PPIC: variants seen among roughly 807,000 people sequenced by gnomAD.
PPIC encodes the protein peptidylprolyl isomerase C, also known as peptidyl-prolyl cis-trans isomerase C.
A neutral mutation model predicts 19.5 loss-of-function variants in PPIC; 19 were observed. The ratio of observed to expected loss-of-function variants is 0.98; its 90% CI spans 0.68 to 1.43. The LOEUF is 1.43. PPIC is among the 40% of genes most tolerant of loss of function. The pLI is 0.00. For synonymous variants in PPIC, 107 were observed against 101.2 expected (o/e 1.06, Z -0.34); for missense variants, 268 against 268.6 (o/e 1.00, Z 0.02).
At position 123,036,684 on chromosome 5, in the gene PPIC, G is replaced by T; in HGVS notation, c.-59C>A. The T allele has an allele frequency of 7.0e-7, 1 of 1,427,082 alleles. No individual in the cohort carries two copies. The highest frequency in any genetic ancestry group is 2.5e-5 in the East Asian group (1 of 39,720). 88.4% of individuals were successfully genotyped at this position (1,427,082 alleles called of 1,614,324 possible). A position where few individuals can be genotyped will look rare whatever the true frequency, so the allele number is the denominator to read the frequency against. On this transcript the variant is annotated 5_prime_UTR_variant, in exon 1 of 5. Transcript: ENST00000306442. This position sits in a 1 kb window ranked among gnomAD's most constrained non-coding sequence, Gnocchi z 4.5. Reference sequence around the variant, plus strand: ...CGCTACCGGCACGGGCGCGACACAGGCTCTGGGACAGCTGACGGGACTGCC... The same window carrying T: ...CGCTACCGGCACGGGCGCGACACAGTCTCTGGGACAGCTGACGGGACTGCC...
chr5:123,026,227 G>C (rs1350134668), intron 3 of PPIC, among the ~76,000 whole-genome samples: 3 of 152,166 alleles, frequency 2.0e-5, no homozygotes, highest in African/African-American at 7.2e-5. Flanking sequence ...CTCATACCAA[G>C]GGCCAAACCT....
intron 3 of PPIC, among the ~76,000 whole-genome samples, 187 bp from the exon 4 acceptor site, chr5:123,026,155 A>G (rs1762849863): frequency 6.6e-6 from 1 of 152,226 alleles, no homozygotes; most frequent in Admixed American, 6.5e-5. Context: ...ACAGGGCACT[A>G]GGGCCTAAAA....
chr5:123,036,691 G>C lies in PPIC; in HGVS notation c.-66C>G. Reference sequence around the variant, plus strand: ...GGCACGGGCGCGACACAGGCTCTGGGACAGCTGACGGGACTGCCGGCCGGC... The same window carrying C: ...GGCACGGGCGCGACACAGGCTCTGGCACAGCTGACGGGACTGCCGGCCGGC... On this transcript the variant is annotated 5_prime_UTR_variant, in exon 1 of 5. Transcript: ENST00000306442. This position sits in a 1 kb window ranked among gnomAD's most constrained non-coding sequence, Gnocchi z 4.5. 7.2e-7 allele frequency: 1 copy of C among 1,387,222 alleles called. No individual in the cohort carries two copies. The highest frequency in any genetic ancestry group is 9.9e-7 in the Non-Finnish European group (1 of 1,012,106). The allele number at this position is 1,387,222 out of a possible 1,614,324, so 85.9% of individuals were successfully genotyped here. A position where few individuals can be genotyped will look rare whatever the true frequency, so the allele number is the denominator to read the frequency against.
chr5:123,033,665 A>G (rs898473340), intron 1 of PPIC, among the ~76,000 whole-genome samples: 1 of 152,216 alleles, frequency 6.6e-6, no homozygotes, highest in African/African-American at 2.4e-5. Context: ...CTGCTTTACC[A>G]CATCTAATGT....
At chr5:123,033,839 G>A (rs1762971051) in intron 1 of PPIC, among the ~76,000 whole-genome samples, 1 of 152,224 alleles carries the variant, frequency 6.6e-6, no homozygotes, top group South Asian at 2.1e-4. Flanking sequence ...TGGAAGGATG[G>A]TGGCATTATT....
At chr5:123,029,927 C>T (rs889693866) in intron 1 of PPIC, among the ~76,000 whole-genome samples, 4 of 152,178 alleles carry the variant, frequency 2.6e-5, no homozygotes, top group African/African-American at 9.7e-5. Context: ...GCAATGAGTT[C>T]TCAATAGATG....
intron 4 of PPIC, among the ~76,000 whole-genome samples, chr5:123,024,923 C>A (rs1561747543): frequency 6.6e-6 from 1 of 152,116 alleles, no homozygotes; most frequent in Non-Finnish European, 1.5e-5. Flanking sequence ...ACCTGTAAGG[C>A]AGAAATATTG....
intron 4 of PPIC, 27 bp downstream of exon 4, chr5:123,025,757 T>C (rs373810623): frequency 6.2e-7 from 1 of 1,601,922 alleles, no homozygotes; most frequent in Non-Finnish European, 8.5e-7. Flanking sequence ...TATAAAGCTT[T>C]GAAAGGAAAA....
At chr5:123,031,998 T>C (rs545335484) in intron 1 of PPIC, among the ~76,000 whole-genome samples, 22 of 152,238 alleles carry the variant, frequency 1.4e-4, no homozygotes, top group Admixed American at 2.6e-4. Context: ...GGTTTCGCCA[T>C]ATTGGCCAGG....
At chr5:123,028,901 A>G (rs1762902462) in intron 2 of PPIC, 33 bp from the exon 3 acceptor site, 4 of 1,508,422 alleles carry the variant, frequency 2.7e-6, no homozygotes, top group Non-Finnish European at 3.7e-6. Context: ...ATAACAAGTA[A>G]CAGAGGCCAT....
At chr5:123,031,918 T>G (rs997908462) in intron 1 of PPIC, among the ~76,000 whole-genome samples, 1 of 152,188 alleles carries the variant, frequency 6.6e-6, no homozygotes, top group African/African-American at 2.4e-5. Context: ...TGCCTCAGCC[T>G]CCAGAGTAGC....
intron 1 of PPIC, among the ~76,000 whole-genome samples, chr5:123,032,295 G>A (rs1225855602): frequency 7.9e-5 from 12 of 152,212 alleles, no homozygotes; most frequent in African/African-American, 2.2e-4. Flanking sequence ...AATTAGGGAG[G>A]TTAAGTGATT....
intron 2 of PPIC, 58 bp from the exon 3 acceptor site, chr5:123,028,926 T>C: frequency 7.3e-7 from 1 of 1,369,576 alleles, no homozygotes; most frequent in South Asian, 1.2e-5. Flanking sequence ...AAAGATAAAC[T>C]CAGTGTTGAT....
rs1763015255 is a variant in PPIC at position 123,036,477 on chromosome 5, A to T, written c.117+32T>A. 6.4e-7 allele frequency: 1 copy of T among 1,568,452 alleles called. No homozygotes were observed. Among genetic ancestry groups the T allele is most frequent in the African/African-American group, 1.3e-5 (1 of 74,086 alleles). On this transcript the variant is annotated intron_variant, in intron 1 of 4. Coordinates refer to ENST00000306442, the MANE Select transcript of PPIC (RefSeq NM_000943.5). The surrounding 1 kb of genome is among the most constrained non-coding windows in gnomAD (Gnocchi z 4.5). ...GCGCCCCCAGGGCCCCGCCCGCAAC[A>T]GGGGAAGTTGCAGCCCGCCGCTCTC...
At chr5:123,030,053 C>T (rs1762922188) in intron 1 of PPIC, among the ~76,000 whole-genome samples, 1 of 152,172 alleles carries the variant, frequency 6.6e-6, no homozygotes, top group African/African-American at 2.4e-5. Flanking sequence ...GGACAGCAAA[C>T]ATTAAGCGTG....
At chr5:123,026,677 C>A (rs1236062333) in intron 3 of PPIC, among the ~76,000 whole-genome samples, 3 of 152,166 alleles carry the variant, frequency 2.0e-5, no homozygotes, top group African/African-American at 7.2e-5. Context: ...AGGATGATGA[C>A]AATTGGGAGC....
intron 1 of PPIC, among the ~76,000 whole-genome samples, chr5:123,030,809 A>C (rs1183601330): frequency 6.6e-6 from 1 of 152,240 alleles, no homozygotes; most frequent in Non-Finnish European, 1.5e-5. Flanking sequence ...TTTGCAAGCC[A>C]AGGTGTAAAT....
chr5:123,031,971 A>C (rs1762949149), intron 1 of PPIC, among the ~76,000 whole-genome samples: 2 of 151,908 alleles, frequency 1.3e-5, no homozygotes, highest in South Asian at 4.2e-4. Flanking sequence ...TAATTTTTGT[A>C]TTTTTACTAG....
At chr5:123,027,487 G>C (rs1479746821) in intron 3 of PPIC, among the ~76,000 whole-genome samples, 2 of 152,182 alleles carry the variant, frequency 1.3e-5, no homozygotes, top group African/African-American at 4.8e-5. Context: ...CCAGCACCGA[G>C]GGCACGGGCA....
Sources: gnomAD v4.1 joint callset for allele counts (sites outside exome capture counted in the v4.1 genomes callset) on GRCh38, gnomAD v4.1.1 for gene constraint, Gnocchi (gnomAD v3.1) non-coding constraint, MANE v1.5 for transcripts, NCBI Gene and HGNC (gene_info 2026-07-23, HGNC 2026-07-21) for gene names.